AQP7B: variants seen among roughly 807,000 people sequenced by gnomAD.
The protein encoded by AQP7B is putative aquaporin-7B.
the AQP7B span, chr2:94,604,529 T>C: frequency 3.7e-6 from 6 of 1,609,818 alleles, no homozygotes; most frequent in Non-Finnish European, 5.1e-6. Context: ...TTCAGTCCAC[T>C]CTGCCCCACC....
the AQP7B span, among the ~76,000 whole-genome samples, chr2:94,590,718 G>T: frequency 2.6e-5 from 4 of 151,980 alleles, no homozygotes; most frequent in African/African-American, 4.8e-5. Flanking sequence ...TGAGGCTGGA[G>T]GATTGCTTGA....
chr2:94,595,610 G>A, the AQP7B span, among the ~76,000 whole-genome samples: 1 of 152,104 alleles, frequency 6.6e-6, no homozygotes, highest in Non-Finnish European at 1.5e-5. Flanking sequence ...GCATAAGCAG[G>A]ACAGGCAAGG....
the AQP7B span, among the ~76,000 whole-genome samples, chr2:94,604,123 C>T: frequency 6.6e-6 from 1 of 152,172 alleles, no homozygotes; most frequent in Non-Finnish European, 1.5e-5. Flanking sequence ...TGAGTATCAA[C>T]CCTGTCCCTG....
At chr2:94,594,532 G>A in the AQP7B span, among the ~76,000 whole-genome samples, 437 of 152,330 alleles carry the variant, frequency 2.9e-3, 2 homozygotes, top group African/African-American at 9.8e-3. Flanking sequence ...ACTAGAAGGG[G>A]CATGGCCTGG....
the AQP7B span, among the ~76,000 whole-genome samples, chr2:94,590,083 G>C: frequency 6.6e-6 from 1 of 152,176 alleles, no homozygotes; most frequent in African/African-American, 2.4e-5. Flanking sequence ...TGGTGGTGTT[G>C]CCATTACCCA....
At chr2:94,602,632 C>A in the AQP7B span, 3 of 1,578,522 alleles carry the variant, frequency 1.9e-6, no homozygotes, top group Non-Finnish European at 2.6e-6. Context: ...GAGCCCAGGG[C>A]CTACCAGACT....
the AQP7B span, among the ~76,000 whole-genome samples, chr2:94,590,965 A>G: frequency 0.012 from 1,818 of 149,448 alleles, 12 homozygotes; most frequent in South Asian, 0.029. Flanking sequence ...AAAAAAAAAA[A>G]AAAGAAAGAA....
At chr2:94,592,009 G>C in the AQP7B span, among the ~76,000 whole-genome samples, 5 of 152,208 alleles carry the variant, frequency 3.3e-5, 1 homozygote, top group African/African-American at 1.2e-4. Flanking sequence ...TCTAGGCATA[G>C]TGGATTCAAG....
the AQP7B span, among the ~76,000 whole-genome samples, chr2:94,587,858 G>A: frequency 1.3e-5 from 2 of 152,100 alleles, no homozygotes; most frequent in Admixed American, 1.3e-4. Context: ...GGGGCTGGAG[G>A]GTTTCAGCAG....
At chr2:94,603,965 T>C in the AQP7B span, 4 of 1,125,824 alleles carry the variant, frequency 3.6e-6, no homozygotes, top group Middle Eastern at 3.0e-4. Context: ...CTTTGAGTTT[T>C]TCTGTGGAGC....
the AQP7B span, among the ~76,000 whole-genome samples, chr2:94,596,860 C>G: frequency 6.6e-6 from 1 of 152,146 alleles, no homozygotes; most frequent in African/African-American, 2.4e-5. Flanking sequence ...CCACTGTGCT[C>G]AGCTAATTTT....
the AQP7B span, chr2:94,594,765 G>A: frequency 1.9e-6 from 3 of 1,580,798 alleles, no homozygotes; most frequent in South Asian, 3.3e-5. Context: ...GCTCCAAAAT[G>A]GTCTCCTGGT....
the AQP7B span, among the ~76,000 whole-genome samples, chr2:94,601,794 A>G: frequency 6.6e-5 from 10 of 151,976 alleles, no homozygotes; most frequent in Non-Finnish European, 5.9e-5. Flanking sequence ...GCCTCTGCAG[A>G]GGGAGAGGAT....
chr2:94,601,108 C>T, the AQP7B span, among the ~76,000 whole-genome samples: 44 of 152,284 alleles, frequency 2.9e-4, 1 homozygote, highest in South Asian at 7.5e-3. Context: ...CATGGAGCAG[C>T]GCAGTCGTTT....
the AQP7B span, among the ~76,000 whole-genome samples, chr2:94,596,383 G>A: frequency 3.3e-5 from 5 of 152,178 alleles, no homozygotes; most frequent in Non-Finnish European, 5.9e-5. Context: ...GAAAAAGAAG[G>A]GGCAGCCTCT....
chr2:94,587,508 G>A, the AQP7B span, among the ~76,000 whole-genome samples: 2 of 152,194 alleles, frequency 1.3e-5, no homozygotes, highest in Admixed American at 1.3e-4. Context: ...GGAGGTGACT[G>A]AGGGATTGTT....
chr2:94,594,703 T>G, the AQP7B span: 29 of 1,385,134 alleles, frequency 2.1e-5, no homozygotes, highest in East Asian at 2.3e-5. Flanking sequence ...CAGGCAAACT[T>G]GAGTCTCCTT....
the AQP7B span, chr2:94,603,089 G>A: frequency 6.3e-7 from 1 of 1,589,438 alleles, no homozygotes; most frequent in Non-Finnish European, 8.6e-7. Context: ...TGGGCCGCGT[G>A]CCCTGGAGGA....
At chr2:94,597,921 A>G in the AQP7B span, among the ~76,000 whole-genome samples, 2 of 152,014 alleles carry the variant, frequency 1.3e-5, no homozygotes, top group Non-Finnish European at 2.9e-5. Flanking sequence ...CACAGTCTTG[A>G]CCCTTAACCT....
Sources: gnomAD v4.1 joint callset for allele counts (sites outside exome capture counted in the v4.1 genomes callset) on GRCh38, gnomAD v4.1.1 for gene constraint, MANE v1.5 for transcripts, NCBI Gene and HGNC (gene_info 2026-07-23, HGNC 2026-07-21) for gene names.